The following KALRN variants were observed in gnomAD, a reference collection of about 807,000 sequenced individuals.
The protein encoded by KALRN is kalirin.
Under a neutral mutation model 353.7 loss-of-function variants are expected in KALRN, and 70 were observed. That is an observed-to-expected ratio of 0.20 (90% CI 0.16 to 0.24). The LOEUF (loss-of-function observed/expected upper bound fraction) is 0.24. Ranked by LOEUF, KALRN falls within the 10% of genes least tolerant of loss-of-function variation. KALRN has a pLI of 1.00. For missense variants in KALRN, 2,791 were observed against 3,756.7 expected, an observed-to-expected ratio of 0.74 and a Z score of 6.72; for synonymous variants, 1,391 against 1,434.8, an observed-to-expected ratio of 0.97 and a Z score of 0.69.
chr3:124,522,139 C>A (rs973159115), intron 33 of KALRN, among the ~76,000 whole-genome samples: 4 of 151,530 alleles, frequency 2.6e-5, no homozygotes, highest in African/African-American at 9.7e-5. Context: ...CTCAGTACAT[C>A]ATTTTCTTTA....
intron 13 of KALRN, among the ~76,000 whole-genome samples, chr3:124,400,867 C>A (rs1391216732): frequency 6.6e-6 from 1 of 152,106 alleles, no homozygotes; most frequent in African/African-American, 2.4e-5. Context: ...TATTTACTCT[C>A]CTGTCATTCC....
intron 12 of KALRN, among the ~76,000 whole-genome samples, chr3:124,397,189 A>C (rs1387653565): frequency 2.0e-5 from 3 of 152,212 alleles, no homozygotes; most frequent in Non-Finnish European, 2.9e-5. Flanking sequence ...TCCTCCCAGC[A>C]GCAAAGCCCT....
intron 14 of KALRN, among the ~76,000 whole-genome samples, chr3:124,413,959 A>T (rs2092347105): frequency 6.6e-6 from 1 of 152,106 alleles, no homozygotes; most frequent in South Asian, 2.1e-4. Context: ...TACAAAAATT[A>T]TCCAGGTGTG....
intron 48 of KALRN, among the ~76,000 whole-genome samples, chr3:124,673,391 C>CAAAA (rs930421857): frequency 6.6e-6 from 1 of 150,954 alleles, no homozygotes; most frequent in Non-Finnish European, 1.5e-5. Flanking sequence ...GTCTCAAAAA[C>CAAAA]AAACAAAAAG....
intron 1 of KALRN, chr3:124,151,903 G>C (rs2068160383): frequency 1.6e-6 from 1 of 627,382 alleles, no homozygotes; most frequent in South Asian, 2.0e-5. Context: ...TATTCAATTT[G>C]AGAGCAGGTA....
intron 1 of KALRN, among the ~76,000 whole-genome samples, chr3:124,204,848 C>G (rs1363568455): frequency 6.6e-6 from 1 of 152,178 alleles, no homozygotes; most frequent in African/African-American, 2.4e-5. Flanking sequence ...TAACTGCCTC[C>G]CCACCTAAAA....
chr3:124,431,518 G>A (rs896544702), intron 16 of KALRN, among the ~76,000 whole-genome samples: 3 of 151,964 alleles, frequency 2.0e-5, no homozygotes, highest in African/African-American at 4.8e-5. Flanking sequence ...GCTTTAGAGT[G>A]GTGTAGGAAA....
intron 1 of KALRN, among the ~76,000 whole-genome samples, chr3:124,099,062 C>A (rs2061653614): frequency 6.6e-6 from 1 of 152,204 alleles, no homozygotes. Flanking sequence ...ATGATCAATT[C>A]AGGGTACTAA....
At chr3:124,348,125 C>G (rs1339437613) in intron 10 of KALRN, among the ~76,000 whole-genome samples, 4 of 152,164 alleles carry the variant, frequency 2.6e-5, no homozygotes, top group African/African-American at 7.2e-5. Context: ...GCGTGATTAG[C>G]TGCCATGTAA....
intron 33 of KALRN, among the ~76,000 whole-genome samples, chr3:124,546,619 A>G (rs143850591): frequency 6.6e-5 from 10 of 152,268 alleles, no homozygotes; most frequent in Admixed American, 2.0e-4. Context: ...CTCCTTCACC[A>G]TGGAAACCTT....
intron 1 of KALRN, among the ~76,000 whole-genome samples, chr3:124,038,555 A>G (rs1210402053): frequency 2.0e-5 from 3 of 152,192 alleles, no homozygotes; most frequent in Non-Finnish European, 2.9e-5. Context: ...TAACAAAAGT[A>G]AGAGTTTAGC....
At chr3:124,394,140 G>A (rs1004794845) in intron 11 of KALRN, among the ~76,000 whole-genome samples, 1 of 152,196 alleles carries the variant, frequency 6.6e-6, no homozygotes, top group Non-Finnish European at 1.5e-5. Flanking sequence ...ATAGTGATTT[G>A]TGCAAAGGCA....
chr3:124,128,660 G>C (rs1025027707), intron 1 of KALRN, among the ~76,000 whole-genome samples: 1 of 152,116 alleles, frequency 6.6e-6, no homozygotes, highest in African/African-American at 2.4e-5. Flanking sequence ...TAAGACTACA[G>C]AGCCATGAAA....
intron 56 of KALRN, among the ~76,000 whole-genome samples, chr3:124,700,715 G>A (rs999671689): frequency 6.6e-5 from 10 of 152,156 alleles, no homozygotes; most frequent in Admixed American, 1.3e-4. Flanking sequence ...TGGTCTGTGT[G>A]TACTGGGGAG....
intron 34 of KALRN, among the ~76,000 whole-genome samples, chr3:124,623,044 A>T (rs1360139997): frequency 6.6e-6 from 1 of 151,962 alleles, no homozygotes; most frequent in African/African-American, 2.4e-5. Flanking sequence ...TTCAGTTCCT[A>T]CCGATGTCTA....
rs1291906847 is a variant in KALRN at position 124,105,096 on chromosome 3, G to A, written c.73+71283G>A. 5.9e-5 allele frequency among the ~76,000 whole-genome samples: 9 copies of A among 152,246 alleles called. No individual in the cohort carries two copies. The East Asian group carries it at 1.5e-3, about 26-fold the overall frequency. On this transcript the variant is annotated intron_variant, in intron 1 of 59. Coordinates refer to ENST00000682506, the MANE Select transcript of KALRN (RefSeq NM_001388419.1). ...ACAACTGGAGAAAAAGAAAATGGAT[G>A]TGAAGGAAGCATTGGCCTATGGAGA...
intron 34 of KALRN, among the ~76,000 whole-genome samples, chr3:124,611,771 T>C (rs1282546310): frequency 2.0e-5 from 3 of 152,356 alleles, no homozygotes; most frequent in East Asian, 3.9e-4. Context: ...CTGCATTTCA[T>C]GTCCCTTCAC....
At chr3:124,128,646 G>A (rs1289610009) in intron 1 of KALRN, among the ~76,000 whole-genome samples, 1 of 152,094 alleles carries the variant, frequency 6.6e-6, no homozygotes, top group African/African-American at 2.4e-5. Flanking sequence ...CTTTTCTGAT[G>A]GAATAAGACT....
intron 1 of KALRN, among the ~76,000 whole-genome samples, chr3:124,107,944 A>G (rs1280140062): frequency 6.6e-6 from 1 of 152,188 alleles, no homozygotes; most frequent in Non-Finnish European, 1.5e-5. Flanking sequence ...CTGAACCTAC[A>G]CAGATCAGAG....
Sources: allele counts gnomAD v4.1 joint callset (sites outside exome capture counted in the v4.1 genomes callset), GRCh38; gene constraint gnomAD v4.1.1; transcripts MANE v1.5; gene names NCBI Gene and HGNC (gene_info 2026-07-23, HGNC 2026-07-21).